Variants in MYO1E observed in about 807,000 individuals in gnomAD.
MYO1E encodes the protein unconventional myosin-Ie.
MYO1E carries 68 observed loss-of-function variants against 151.1 expected under a neutral mutation model. The observed-to-expected ratio is 0.45, with a 90% CI of 0.37 to 0.55. MYO1E has a LOEUF of 0.55. Among genes scored for constraint, MYO1E ranks in the 20% least tolerant of loss-of-function variants. MYO1E has a pLI of 0.00. For missense variants in MYO1E, 1,363 were observed against 1,389.3 expected (o/e 0.98, Z 0.30); for synonymous variants, 601 against 501.7 (o/e 1.20, Z -2.64).
At position 59,177,564 on chromosome 15, in the gene MYO1E, CG is replaced by C. The variant is rs529991995; in HGVS notation, c.2049+828del. Among the ~76,000 whole-genome samples, 160 of 152,278 alleles carry C rather than the reference CG, an allele frequency of 1.1e-3. 1 individual carries two copies. Among genetic ancestry groups the C allele is most frequent in the African/African-American group, 3.6e-3 (151 of 41,552 alleles). On this transcript the variant is annotated intron_variant, in intron 19 of 27. Transcript: ENST00000288235. ...TGATGGTTAAGGGAGCCTTGAGAAA[CG>C]ATGATGCTGAGCCTCGGTTCCAGCA...
chr15:59,299,686 T>C (rs2080470954), intron 1 of MYO1E, among the ~76,000 whole-genome samples: 1 of 152,220 alleles, frequency 6.6e-6, no homozygotes, highest in Admixed American at 6.5e-5. Context: ...TACCCCTGGC[T>C]ACCAGGTAAG....
intron 11 of MYO1E, 115 bp from the exon 12 acceptor site, chr15:59,214,429 G>T (rs566649630): frequency 2.8e-5 from 25 of 899,356 alleles, no homozygotes; most frequent in East Asian, 2.5e-4. Context: ...AATGTTGGAT[G>T]CATCAAAAGA....
intron 1 of MYO1E, among the ~76,000 whole-genome samples, chr15:59,352,495 C>T (rs75750446): frequency 0.021 from 3,248 of 152,286 alleles, 55 homozygotes; most frequent in Middle Eastern, 0.054. Flanking sequence ...AACCTAAATA[C>T]GCATGTGTCT....
chr15:59,303,929 T>C (rs1172784333), intron 1 of MYO1E, among the ~76,000 whole-genome samples: 2 of 152,020 alleles, frequency 1.3e-5, no homozygotes, highest in African/African-American at 2.4e-5. Context: ...CACATTAAAG[T>C]GATGCCTGGA....
intron 19 of MYO1E, 98 bp from the exon 20 acceptor site, chr15:59,174,338 G>GAT: frequency 1.2e-6 from 1 of 840,798 alleles, no homozygotes; most frequent in Non-Finnish European, 2.1e-6. Flanking sequence ...TTTAGACAAT[G>GAT]ACACACACGG....
At chr15:59,290,733 GT>G (rs1331225971) in intron 1 of MYO1E, among the ~76,000 whole-genome samples, 1 of 152,142 alleles carries the variant, frequency 6.6e-6, no homozygotes, top group Non-Finnish European at 1.5e-5. Flanking sequence ...TGCCAAAACA[GT>G]CCCAGCTAGG....
At chr15:59,212,821 T>A (rs769890678) in intron 12 of MYO1E, 1 of 152,172 alleles carries the variant, frequency 6.6e-6, no homozygotes, top group Non-Finnish European at 1.5e-5. Context: ...GACGGAGATT[T>A]GGATATAGAC....
intron 1 of MYO1E, among the ~76,000 whole-genome samples, chr15:59,323,482 C>G (rs1232304860): frequency 6.6e-6 from 1 of 151,652 alleles, no homozygotes; most frequent in Non-Finnish European, 1.5e-5. Context: ...GAAACCCCGT[C>G]TCTACTAAAA....
At chr15:59,360,163 A>G (rs563614836) in intron 1 of MYO1E, among the ~76,000 whole-genome samples, 45 of 152,330 alleles carry the variant, frequency 3.0e-4, no homozygotes, top group Non-Finnish European at 2.1e-4. Context: ...AGAAAGTCAA[A>G]GTGAAAGATC....
intron 3 of MYO1E, among the ~76,000 whole-genome samples, chr15:59,256,836 G>A (rs2080196643): frequency 6.6e-6 from 1 of 152,144 alleles, no homozygotes; most frequent in Admixed American, 6.5e-5. Context: ...TTTCTAAGAG[G>A]CCACGTTGTA....
Position 59,136,786 on chromosome 15 carries a change from C to T in MYO1E, c.*594G>A, listed in dbSNP as rs3803446. On this transcript the variant is annotated 3_prime_UTR_variant, in exon 28 of 28. Coordinates refer to ENST00000288235, the MANE Select transcript of MYO1E (RefSeq NM_004998.4). Reference sequence around the variant, plus strand: ...AGCCCCCAGCCCCTGACCTGCTTGGCGGCCCTGATGGTCCCGGCAAAGTGT... The same window carrying T: ...AGCCCCCAGCCCCTGACCTGCTTGGTGGCCCTGATGGTCCCGGCAAAGTGT... The T allele has an allele frequency of 3.3e-5, 15 of 455,976 alleles. No individual in the cohort carries two copies. In the East Asian group the frequency reaches 5.6e-4, roughly 17 times the overall value. 28.2% of individuals were successfully genotyped at this position (455,976 alleles called of 1,614,324 possible). A position where few individuals can be genotyped will look rare whatever the true frequency, so the allele number is the denominator to read the frequency against.
intron 1 of MYO1E, among the ~76,000 whole-genome samples, chr15:59,281,064 C>A (rs1298747041): frequency 6.6e-6 from 1 of 152,156 alleles, no homozygotes; most frequent in Admixed American, 6.5e-5. Flanking sequence ...CATCACCAGA[C>A]CACAGCTCGC....
chr15:59,163,716 T>C (rs2079550026), intron 22 of MYO1E, among the ~76,000 whole-genome samples: 1 of 152,198 alleles, frequency 6.6e-6, no homozygotes, highest in Admixed American at 6.5e-5. Flanking sequence ...TAATTTATGA[T>C]ATGGTTATAG....
intron 10 of MYO1E, among the ~76,000 whole-genome samples, chr15:59,214,933 C>G (rs1436345539): frequency 6.6e-6 from 1 of 152,066 alleles, no homozygotes; most frequent in Admixed American, 6.6e-5. Flanking sequence ...AAAGCGAGTA[C>G]AGTAGAAACA....
At chr15:59,343,946 A>T (rs1366385177) in intron 1 of MYO1E, among the ~76,000 whole-genome samples, 2 of 152,154 alleles carry the variant, frequency 1.3e-5, no homozygotes, top group Non-Finnish European at 2.9e-5. Flanking sequence ...GTTTCCTCAA[A>T]ACAGCTATTT....
intron 10 of MYO1E, 102 bp from the exon 11 acceptor site, chr15:59,214,822 C>T: frequency 1.1e-6 from 1 of 890,480 alleles, no homozygotes; most frequent in Non-Finnish European, 1.9e-6. Context: ...GCAAACACTA[C>T]TGCTTGCAGG....
chr15:59,208,741 C>G lies in MYO1E; in HGVS notation c.1470G>C (p.Gly490=), dbSNP rs1222980688. 16 of 1,614,068 alleles carry G rather than the reference C, an allele frequency of 9.9e-6. No homozygotes were observed. Among genetic ancestry groups the G allele is most frequent in the Non-Finnish European group, 1.4e-5 (16 of 1,180,030 alleles). Residue 490 remains glycine, a synonymous_variant, in exon 14 of 28, where the codon GGG becomes GGC. Coordinates refer to ENST00000288235, the MANE Select transcript of MYO1E (RefSeq NM_004998.4). ...TCCAACTGTTGAAGTGCTCATGACT[C>G]CCAATCTGCATCTGAAGTTTCTGGA... ...TLLQKLQMQI[G]SHEHFNSWNQ...
chr15:59,152,565 G>A (rs1165026340), intron 26 of MYO1E, among the ~76,000 whole-genome samples: 3 of 152,174 alleles, frequency 2.0e-5, no homozygotes, highest in Admixed American at 2.0e-4. Context: ...TCATCACCCT[G>A]TCACCGTCAT....
At chr15:59,297,631 G>A (rs2080458530) in intron 1 of MYO1E, among the ~76,000 whole-genome samples, 1 of 151,574 alleles carries the variant, frequency 6.6e-6, no homozygotes. Flanking sequence ...GCCTGGGCTG[G>A]AGTACAGTGG....
Sources: allele counts gnomAD v4.1 joint callset (sites outside exome capture counted in the v4.1 genomes callset), GRCh38; gene constraint gnomAD v4.1.1; transcripts MANE v1.5; gene names NCBI Gene and HGNC (gene_info 2026-07-23, HGNC 2026-07-21).